The following LRMDA variants were observed in gnomAD, a reference collection of about 807,000 sequenced individuals.
LRMDA encodes leucine-rich melanocyte differentiation-associated protein.
A neutral mutation model predicts 29.8 loss-of-function variants in LRMDA; 18 were observed. That is an observed-to-expected ratio of 0.60 (90% CI 0.42 to 0.90). The LOEUF (loss-of-function observed/expected upper bound fraction) is 0.90, where lower values mean the gene tolerates loss of function less well. Ranked by LOEUF, LRMDA falls within the 40% of genes least tolerant of loss-of-function variation. The pLI is 0.00. For missense variants in LRMDA, 273 were observed against 273.9 expected (o/e 1.00, Z 0.02); for synonymous variants, 125 against 109.4 (o/e 1.14, Z -0.89).
chr10:76,159,548 T>C (rs1046780776), intron 5 of LRMDA, among the ~76,000 whole-genome samples: 1 of 152,288 alleles, frequency 6.6e-6, no homozygotes, highest in East Asian at 1.9e-4. Context: ...CTCAAATGAG[T>C]TGAAGACTTA....
At chr10:75,865,368 G>A (rs1017250650) in intron 2 of LRMDA, among the ~76,000 whole-genome samples, 7 of 152,208 alleles carry the variant, frequency 4.6e-5, no homozygotes, top group African/African-American at 9.6e-5. Context: ...AACTGATCAC[G>A]TTGTATACTT....
chr10:76,455,257 C>T (rs1345236346), intron 6 of LRMDA, among the ~76,000 whole-genome samples: 8 of 152,100 alleles, frequency 5.3e-5, no homozygotes, highest in African/African-American at 1.2e-4. Context: ...CGTCACCCAA[C>T]GCCCAAATCC....
chr10:76,397,051 G>A lies in LRMDA; in HGVS notation c.601+72566G>A, dbSNP rs941914580. Among the ~76,000 whole-genome samples, 2 of 152,060 alleles carry A rather than the reference G, an allele frequency of 1.3e-5. 1 individual carries two copies. The highest frequency in any genetic ancestry group is 4.2e-4 in the South Asian group (2 of 4,810). ...TTGAAACCCCTTTTCTTAGAGACAC[G>A]TCCCCTCCCTTGCTGGTTTCTGGCT... On this transcript the variant is annotated intron_variant, in intron 6 of 6. Coordinates refer to ENST00000611255, the MANE Select transcript of LRMDA (RefSeq NM_001305581.2).
intron 5 of LRMDA, among the ~76,000 whole-genome samples, chr10:76,235,268 G>T (rs1852130974): frequency 6.6e-6 from 1 of 152,110 alleles, no homozygotes; most frequent in African/African-American, 2.4e-5. Context: ...TCTTCTATGA[G>T]CATGATTCAT....
intron 6 of LRMDA, among the ~76,000 whole-genome samples, chr10:76,370,179 C>T (rs967641873): frequency 6.6e-6 from 1 of 151,850 alleles, no homozygotes; most frequent in Non-Finnish European, 1.5e-5. Context: ...TCCTCGTACA[C>T]AAGATTTTAT....
rs890725147 is a variant in LRMDA, at chr10:76,559,917, G to A, written c.*2629G>A. 1 of 152,190 alleles carries A rather than the reference G, an allele frequency of 6.6e-6. No homozygotes were observed. The highest frequency in any genetic ancestry group is 1.5e-5 in the Non-Finnish European group (1 of 68,038). 9.4% of individuals were successfully genotyped at this position (152,190 alleles called of 1,614,324 possible). A position where few individuals can be genotyped will look rare whatever the true frequency, so the allele number is the denominator to read the frequency against. On this transcript the variant is annotated 3_prime_UTR_variant, in exon 7 of 7. Transcript: ENST00000611255. ...GTCAGGACGACTGTCTCTTTCCTAA[G>A]TAACATAATTTTAAAGAACAATTTG... is the stretch of plus-strand genomic sequence containing the variant.
chr10:76,147,595 T>C (rs1298415054), intron 5 of LRMDA, among the ~76,000 whole-genome samples: 1 of 152,052 alleles, frequency 6.6e-6, no homozygotes, highest in African/African-American at 2.4e-5. Flanking sequence ...TCTAATTTTT[T>C]TTCAAAACTT....
At chr10:76,233,967 A>G (rs1373235597) in intron 5 of LRMDA, among the ~76,000 whole-genome samples, 1 of 152,208 alleles carries the variant, frequency 6.6e-6, no homozygotes, top group Middle Eastern at 3.2e-3. Context: ...ACCTCCTCCC[A>G]TGAATCACAA....
At chr10:76,266,800 A>G (rs184903180) in intron 5 of LRMDA, among the ~76,000 whole-genome samples, 1 of 152,322 alleles carries the variant, frequency 6.6e-6, no homozygotes, top group East Asian at 1.9e-4. Context: ...ATTTACATAC[A>G]TTGAATGGAT....
intron 2 of LRMDA, among the ~76,000 whole-genome samples, chr10:75,915,039 C>T (rs1413953079): frequency 6.7e-6 from 1 of 149,992 alleles, no homozygotes; most frequent in Non-Finnish European, 1.5e-5. Flanking sequence ...TCATGACTGA[C>T]TACAAATACT....
intron 6 of LRMDA, among the ~76,000 whole-genome samples, chr10:76,354,142 G>A (rs776344390): frequency 5.3e-5 from 8 of 152,150 alleles, no homozygotes; most frequent in South Asian, 4.1e-4. Flanking sequence ...AGATATCCCC[G>A]TCCCACCCGA....
chr10:76,156,266 A>C (rs1898101), intron 5 of LRMDA, among the ~76,000 whole-genome samples: 22,276 of 152,076 alleles, frequency 0.15, 1,816 homozygotes, highest in East Asian at 0.24. Context: ...ACCCTGGAGG[A>C]CTTCTCTTTG....
chr10:76,023,489 T>C (rs1848011812), intron 2 of LRMDA, among the ~76,000 whole-genome samples: 1 of 152,212 alleles, frequency 6.6e-6, no homozygotes, highest in Non-Finnish European at 1.5e-5. Context: ...CTGAACTTTT[T>C]ACTGAATGGT....
chr10:76,403,240 G>A (rs1235651569), intron 6 of LRMDA: 2 of 151,716 alleles, frequency 1.3e-5, no homozygotes, highest in Non-Finnish European at 2.9e-5. Context: ...GGAAATGTTG[G>A]CATGTGGATA....
chr10:75,748,911 G>GTATGTA (rs1464523518), intron 2 of LRMDA, among the ~76,000 whole-genome samples: 1 of 152,076 alleles, frequency 6.6e-6, no homozygotes, highest in African/African-American at 2.4e-5. Context: ...TTATATGTAT[G>GTATGTA]TGTATCTATA....
chr10:76,091,276 C>CGTGTGTGTGTGTGTGTGTGTGT (rs56145957), intron 5 of LRMDA, among the ~76,000 whole-genome samples: 1 of 146,802 alleles, frequency 6.8e-6, no homozygotes, highest in African/African-American at 2.5e-5. Flanking sequence ...ACATGGTGGA[C>CGTGTGTGTGTGTGTGTGTGTGT]GTGTGTGTGT....
intron 5 of LRMDA, among the ~76,000 whole-genome samples, chr10:76,078,274 G>T (rs1848993624): frequency 6.6e-6 from 1 of 151,810 alleles, no homozygotes; most frequent in South Asian, 2.1e-4. Context: ...CTCCCAAAGT[G>T]CTGGGATTAC....
intron 2 of LRMDA, among the ~76,000 whole-genome samples, chr10:75,519,275 G>A (rs536258123): frequency 2.8e-4 from 43 of 152,240 alleles, no homozygotes; most frequent in Middle Eastern, 3.4e-3. Context: ...TTCCTGTCTC[G>A]TTGATCTAAT....
chr10:76,313,618 T>C (rs1245530096), intron 5 of LRMDA, among the ~76,000 whole-genome samples: 1 of 152,204 alleles, frequency 6.6e-6, no homozygotes, highest in Non-Finnish European at 1.5e-5. Flanking sequence ...TAGAAGCTAG[T>C]TGAAAAGTGT....
Sources: allele counts gnomAD v4.1 joint callset (sites outside exome capture counted in the v4.1 genomes callset), GRCh38; gene constraint gnomAD v4.1.1; transcripts MANE v1.5; gene names NCBI Gene and HGNC (gene_info 2026-07-23, HGNC 2026-07-21).